The following HPF1 variants were observed in gnomAD, a reference collection of about 807,000 sequenced individuals.
The protein encoded by HPF1 is UPF0609 protein C4orf27.
In HPF1, 35 loss-of-function variants were observed where a neutral mutation model predicts 38.8. The ratio of observed to expected loss-of-function variants is 0.90; its 90% confidence interval spans 0.69 to 1.19. The LOEUF is 1.19. Ranked by LOEUF, HPF1 falls within the 50% of genes most tolerant of loss-of-function variation. The pLI, the probability that HPF1 is intolerant of heterozygous loss-of-function variation, is 0.00. For missense variants in HPF1, 367 were observed against 405.8 expected (o/e 0.90, Z 0.82); for synonymous variants, 115 against 139.2 (o/e 0.83, Z 1.22).
chr4:169,751,278 C>T (rs1426566318), intron 2 of HPF1, among the ~76,000 whole-genome samples: 3 of 151,942 alleles, frequency 2.0e-5, no homozygotes, highest in Non-Finnish European at 4.4e-5. Flanking sequence ...TGGCTCACGC[C>T]TGTAATCCCA....
chr4:169,748,714 GT>G, intron 4 of HPF1, 29 bp downstream of exon 4: 1 of 1,092,912 alleles, frequency 9.1e-7, no homozygotes, highest in Non-Finnish European at 1.3e-6. Flanking sequence ...TATAAACATT[GT>G]AAACAAATAT....
intron 4 of HPF1, among the ~76,000 whole-genome samples, chr4:169,746,027 G>GT (rs1734043345): frequency 6.6e-6 from 1 of 150,692 alleles, no homozygotes; most frequent in African/African-American, 2.4e-5. Flanking sequence ...TAAGGCAGAA[G>GT]GAAAAAAAAA....
intron 1 of HPF1, among the ~76,000 whole-genome samples, chr4:169,754,321 C>G (rs565644225): frequency 6.6e-6 from 1 of 152,288 alleles, no homozygotes; most frequent in East Asian, 1.9e-4. Context: ...GCCTTAAAAA[C>G]AGATACCTCC....
At chr4:169,753,028 GTTTTTTT>G (rs71590035) in intron 2 of HPF1, among the ~76,000 whole-genome samples, 1 of 103,890 alleles carries the variant, frequency 9.6e-6, no homozygotes, top group Non-Finnish European at 1.8e-5. Context: ...CCTTGGTTAG[GTTTTTTT>G]TTTTTTTTTT....
intron 7 of HPF1, 75 bp downstream of exon 7, chr4:169,731,629 C>A: frequency 8.9e-7 from 1 of 1,123,378 alleles, no homozygotes; most frequent in South Asian, 1.9e-5. Context: ...TGCACGTATT[C>A]ATGTGTGGAT....
chr4:169,749,082 G>A (rs1383702266), intron 3 of HPF1, among the ~76,000 whole-genome samples: 1 of 151,270 alleles, frequency 6.6e-6, no homozygotes, highest in African/African-American at 2.4e-5. Context: ...CAACAACGTA[G>A]ATGTAAAAAA....
rs17545654 is a variant in HPF1, at chr4:169,738,407, G to C, written c.649-660C>G. Among the ~76,000 whole-genome samples, 285 of 152,278 alleles carry C rather than the reference G, an allele frequency of 1.9e-3. 2 individuals carry two copies. Among genetic ancestry groups the C allele is most frequent in the East Asian group, 0.014 (75 of 5,186 alleles). ...TCCATTCTTCCTTTAGCTCATGTTA[G>C]TGACATTATTTTTAGGTCTTTCCTT... On this transcript the variant is annotated intron_variant, in intron 5 of 7. Transcript: ENST00000393381.
At chr4:169,748,958 CT>C (rs369228807) in intron 3 of HPF1, 116 bp from the exon 4 acceptor site, 97,229 of 445,650 alleles carry the variant, frequency 0.22, 2 homozygotes, top group East Asian at 0.26. Flanking sequence ...TTTTGGAGGC[CT>C]TTTTTTTTTT....
intron 4 of HPF1, 77 bp from the exon 5 acceptor site, chr4:169,742,184 G>T: frequency 8.2e-7 from 1 of 1,219,220 alleles, no homozygotes; most frequent in Non-Finnish European, 1.2e-6. Flanking sequence ...GTTGAGCCAA[G>T]GTAAAAATGT....
intron 4 of HPF1, among the ~76,000 whole-genome samples, chr4:169,745,806 C>T (rs914479241): frequency 2.0e-5 from 3 of 152,180 alleles, no homozygotes; most frequent in Admixed American, 6.5e-5. Flanking sequence ...TTTTTAAATA[C>T]ATTTGCATGT....
At chr4:169,737,058 A>AT (rs1733905364) in intron 6 of HPF1, among the ~76,000 whole-genome samples, 1 of 152,196 alleles carries the variant, frequency 6.6e-6, no homozygotes, top group Admixed American at 6.5e-5. Context: ...GTTGACTGTA[A>AT]TGTCAAAGGT....
chr4:169,751,576 C>A (rs1734120367), intron 2 of HPF1, among the ~76,000 whole-genome samples: 1 of 152,064 alleles, frequency 6.6e-6, no homozygotes, highest in Non-Finnish European at 1.5e-5. Flanking sequence ...TCATAAACCA[C>A]AAAGACATGA....
At position 169,742,094 on chromosome 4, in the gene HPF1, T is replaced by C. The variant is rs1348172274; in HGVS notation, c.511A>G (p.Lys171Glu). ...VFAAVKLFLT[K>E]KLREITDKKK... is the part of the protein sequence containing the mutation. ...TTATCCGTTATTTCTCTAAGTTTTT[T>C]CGTCAAAAATAATCTGAAAAAGAAG... Residue 171 changes from lysine to glutamate, a missense_variant, in exon 5 of 8, where the codon AAA becomes GAA. Physicochemically the swap from Lys to Glu is moderately conservative, Grantham distance 56. Coordinates refer to ENST00000393381, the MANE Select transcript of HPF1 (RefSeq NM_017867.3). 6.2e-7 allele frequency: 1 copy of C among 1,610,958 alleles called. No individual in the cohort carries two copies. Among genetic ancestry groups the C allele is most frequent in the Non-Finnish European group, 8.5e-7 (1 of 1,178,712 alleles).
At chr4:169,730,272 G>A (rs74541080) in intron 7 of HPF1, among the ~76,000 whole-genome samples, 4,591 of 152,156 alleles carry the variant, frequency 0.03, 69 homozygotes, top group East Asian at 0.056. Context: ...CTTAACATGC[G>A]GTAAGCACTG....
chr4:169,732,337 C>T (rs1733841068), intron 6 of HPF1, among the ~76,000 whole-genome samples: 1 of 152,076 alleles, frequency 6.6e-6, no homozygotes, highest in South Asian at 2.1e-4. Context: ...GACGGGATTT[C>T]ACCATGTTGG....
In HPF1 at chr4:169,735,143, G is replaced by GAAGA. The variant is rs946780484; in HGVS notation, c.736+2513_736+2516dup. On this transcript the variant is annotated intron_variant, in intron 6 of 7. Coordinates refer to ENST00000393381, the MANE Select transcript of HPF1 (RefSeq NM_017867.3). ...ATTCCATCTCAAAAAAAAAAAAAAA[G>GAAGA]AAGAAAGAAAGAAAAAAAGAAAACC... Among the ~76,000 whole-genome samples, 8 of 144,072 alleles carry GAAGA rather than the reference G, an allele frequency of 5.6e-5. No homozygotes were observed. In the South Asian group the frequency reaches 1.5e-3, roughly 28 times the overall value. The allele number at this position is 144,072 out of a possible 152,430, so 94.5% of individuals were successfully genotyped here. A position where few individuals can be genotyped will look rare whatever the true frequency, so the allele number is the denominator to read the frequency against.
At chr4:169,734,075 T>C (rs1208064946) in intron 6 of HPF1, among the ~76,000 whole-genome samples, 2 of 152,184 alleles carry the variant, frequency 1.3e-5, no homozygotes, top group Admixed American at 1.3e-4. Context: ...CAGTATCGCA[T>C]TGAACGAATG....
chr4:169,735,143 GAAGA>G (rs946780484), intron 6 of HPF1, among the ~76,000 whole-genome samples: 13 of 144,072 alleles, frequency 9.0e-5, no homozygotes, highest in South Asian at 6.6e-4. Flanking sequence ...AAAAAAAAAA[GAAGA>G]AAGAAAGAAA....
At chr4:169,743,737 G>A (rs530154406) in intron 4 of HPF1, among the ~76,000 whole-genome samples, 2 of 152,026 alleles carry the variant, frequency 1.3e-5, no homozygotes, top group Non-Finnish European at 2.9e-5. Flanking sequence ...CAGGAAGAAG[G>A]CTGAGGGAGT....
Sources: allele counts gnomAD v4.1 joint callset (sites outside exome capture counted in the v4.1 genomes callset), GRCh38; gene constraint gnomAD v4.1.1; transcripts MANE v1.5; gene names NCBI Gene and HGNC (gene_info 2026-07-23, HGNC 2026-07-21).